EHBP1: variants seen among roughly 807,000 people sequenced by gnomAD.
The protein encoded by EHBP1 is EH domain binding protein 1.
A neutral mutation model predicts 144.0 loss-of-function variants in EHBP1; 55 were observed. That is an observed-to-expected ratio of 0.38 (90% CI 0.31 to 0.48). The LOEUF (loss-of-function observed/expected upper bound fraction) is 0.48, where lower values mean the gene tolerates loss of function less well. Ranked by LOEUF, EHBP1 falls within the 20% of genes least tolerant of loss-of-function variation. EHBP1 has a pLI of 0.98. For missense variants in EHBP1, 1,200 were observed against 1,364.2 expected, an observed-to-expected ratio of 0.88 and a Z score of 1.90; for synonymous variants, 469 against 472.7, an observed-to-expected ratio of 0.99 and a Z score of 0.10.
At chr2:63,009,944 G>A (rs915334812) in intron 19 of EHBP1, among the ~76,000 whole-genome samples, 6 of 151,376 alleles carry the variant, frequency 4.0e-5, no homozygotes, top group African/African-American at 1.5e-4. Context: ...ACAATATACT[G>A]TAATAAAAGT....
intron 9 of EHBP1, among the ~76,000 whole-genome samples, chr2:62,869,793 A>G (rs937971993): frequency 6.6e-6 from 1 of 152,250 alleles, no homozygotes; most frequent in Non-Finnish European, 1.5e-5. Flanking sequence ...TTTATCATTT[A>G]TACCTAAATA....
chr2:62,730,124 G>A (rs1303789677), intron 2 of EHBP1, among the ~76,000 whole-genome samples: 1 of 151,980 alleles, frequency 6.6e-6, no homozygotes, highest in Admixed American at 6.6e-5. Flanking sequence ...ATGGTTTTGA[G>A]CAGTTATGAA....
intron 1 of EHBP1, among the ~76,000 whole-genome samples, chr2:62,687,676 G>A (rs17577380): frequency 0.16 from 24,980 of 152,008 alleles, 2,262 homozygotes; most frequent in Middle Eastern, 0.3. Context: ...ATCTAAGTAC[G>A]AGAGTCCAGC....
chr2:62,998,260 C>T (rs949438681), intron 19 of EHBP1, among the ~76,000 whole-genome samples: 3 of 151,982 alleles, frequency 2.0e-5, no homozygotes, highest in Admixed American at 2.0e-4. Flanking sequence ...CAGTCTTATA[C>T]CTATATACTT....
intron 5 of EHBP1, among the ~76,000 whole-genome samples, chr2:62,786,954 A>G (rs1020634284): frequency 6.6e-6 from 1 of 152,204 alleles, no homozygotes; most frequent in African/African-American, 2.4e-5. Context: ...TAAATAACTG[A>G]AAATACGTTC....
intron 21 of EHBP1, among the ~76,000 whole-genome samples, chr2:63,042,310 A>T (rs2061694459): frequency 6.6e-6 from 1 of 152,146 alleles, no homozygotes; most frequent in African/African-American, 2.4e-5. Context: ...ATATATGTAT[A>T]TGTATACATA....
chr2:62,681,696 A>G (rs1412734261), intron 1 of EHBP1, among the ~76,000 whole-genome samples: 1 of 152,104 alleles, frequency 6.6e-6, no homozygotes, highest in Non-Finnish European at 1.5e-5. Context: ...ACCTGGAAGG[A>G]AATAATGTAG....
chr2:62,909,541 G>C (rs1404288392), intron 10 of EHBP1, among the ~76,000 whole-genome samples: 1 of 152,146 alleles, frequency 6.6e-6, no homozygotes, highest in African/African-American at 2.4e-5. Flanking sequence ...AGACCAGAAA[G>C]TGAGCAGAAG....
chr2:62,674,920 C>T (rs1242156823), intron 1 of EHBP1, among the ~76,000 whole-genome samples: 3 of 152,172 alleles, frequency 2.0e-5, no homozygotes, highest in Non-Finnish European at 2.9e-5. Flanking sequence ...TGTGAGCCAC[C>T]ATACCCAGCC....
At chr2:62,949,433 G>GTA (rs2057261873) in intron 13 of EHBP1, among the ~76,000 whole-genome samples, 3 of 151,944 alleles carry the variant, frequency 2.0e-5, no homozygotes, top group African/African-American at 7.3e-5. Flanking sequence ...TATACCTGCT[G>GTA]TATATTTAAG....
At chr2:62,693,853 G>A (rs2033992195) in intron 1 of EHBP1, among the ~76,000 whole-genome samples, 1 of 152,146 alleles carries the variant, frequency 6.6e-6, no homozygotes, top group South Asian at 2.1e-4. Flanking sequence ...TCCCACATAT[G>A]AGTGAGAACA....
chr2:63,036,843 A>C (rs1414768800), intron 19 of EHBP1, among the ~76,000 whole-genome samples: 2 of 151,898 alleles, frequency 1.3e-5, no homozygotes, highest in Non-Finnish European at 2.9e-5. Flanking sequence ...GCGATGGAGA[A>C]TTTTAAGTAT....
intron 11 of EHBP1, among the ~76,000 whole-genome samples, 198 bp from the exon 12 acceptor site, chr2:62,943,604 G>A (rs915125198): frequency 3.9e-5 from 6 of 152,062 alleles, no homozygotes; most frequent in African/African-American, 1.4e-4. Context: ...GCAGCGAAAC[G>A]TGTAATCACT....
intron 5 of EHBP1, among the ~76,000 whole-genome samples, chr2:62,817,269 A>T (rs902229884): frequency 2.6e-5 from 4 of 152,140 alleles, no homozygotes; most frequent in Non-Finnish European, 5.9e-5. Context: ...AATTTTAGGT[A>T]AGGTGGGCAG....
intron 5 of EHBP1, among the ~76,000 whole-genome samples, chr2:62,808,014 G>A (rs981156603): frequency 1.8e-4 from 27 of 150,650 alleles, no homozygotes; most frequent in Non-Finnish European, 3.4e-4. Context: ...GGGGCCAGGC[G>A]TTTATTCCAA....
chr2:62,970,081 A>G lies in EHBP1; in HGVS notation c.2461-9107A>G, dbSNP rs548179938. Among the ~76,000 whole-genome samples the G allele has an allele frequency of 1.2e-4, 18 of 151,592 alleles. No individual in the cohort carries two copies. In the East Asian group the frequency reaches 3.5e-3, roughly 29 times the overall value. ...TTTGGTAATCCTTGCCTCTGGACAAACACAGAATTCTTTTTTTTTTTTTTT... is the reference window on the plus strand; with the variant it reads ...TTTGGTAATCCTTGCCTCTGGACAAGCACAGAATTCTTTTTTTTTTTTTTT... On this transcript the variant is annotated intron_variant, in intron 14 of 22. Transcript: ENST00000431489.
chr2:62,721,731 C>T (rs2036240456), intron 2 of EHBP1, among the ~76,000 whole-genome samples: 2 of 152,168 alleles, frequency 1.3e-5, no homozygotes, highest in African/African-American at 4.8e-5. Flanking sequence ...TTCCTGTAAG[C>T]AAGATTTGTC....
intron 7 of EHBP1, among the ~76,000 whole-genome samples, chr2:62,855,535 G>T (rs888765894): frequency 6.6e-6 from 1 of 152,278 alleles, no homozygotes; most frequent in East Asian, 1.9e-4. Context: ...CAGGCTGCCA[G>T]TTCCACAGAC....
intron 20 of EHBP1, 64 bp from the exon 21 acceptor site, chr2:63,038,679 G>A (rs1045647917): frequency 6.9e-7 from 1 of 1,448,318 alleles, no homozygotes; most frequent in East Asian, 2.3e-5. Flanking sequence ...GTAACCTAAA[G>A]GTTCTTTTAA....
Sources: allele counts gnomAD v4.1 joint callset (sites outside exome capture counted in the v4.1 genomes callset), GRCh38; gene constraint gnomAD v4.1.1; transcripts MANE v1.5; gene names NCBI Gene and HGNC (gene_info 2026-07-23, HGNC 2026-07-21).